The following DAB2IP variants were observed in gnomAD, a reference collection of about 807,000 sequenced individuals.
The protein encoded by DAB2IP is disabled homolog 2-interacting protein.
In DAB2IP, 28 loss-of-function variants were observed where a neutral mutation model predicts 107.2. The observed-to-expected ratio is 0.26, with a 90% CI of 0.19 to 0.36. The LOEUF (loss-of-function observed/expected upper bound fraction) is 0.36. DAB2IP is among the 10% of genes least tolerant of loss of function. The pLI is 1.00. For missense variants in DAB2IP, 1,400 were observed against 1,644.7 expected (o/e 0.85, Z 2.57); for synonymous variants, 755 against 706.4 (o/e 1.07, Z -1.09).
At position 121,609,191 on chromosome 9, in the gene DAB2IP, C is replaced by T. The variant is rs150574130; in HGVS notation, c.40+41963C>T. Reference sequence around the variant, plus strand: ...AACTCCCGACCTCAGGTGCTCCGTCCGCCTCGAACTCCCAAAGTGCTGTGA... The same window carrying T: ...AACTCCCGACCTCAGGTGCTCCGTCTGCCTCGAACTCCCAAAGTGCTGTGA... On this transcript the variant is annotated intron_variant, in intron 1 of 16. Coordinates refer to the DAB2IP transcript ENST00000259371. Among the ~76,000 whole-genome samples, 100 of 152,294 alleles carry T rather than the reference C, an allele frequency of 6.6e-4. No homozygotes were observed. In the Middle Eastern group the frequency reaches 0.01, roughly 16 times the overall value.
chr9:121,570,178 C>A (rs1829904830), intron 1 of DAB2IP, among the ~76,000 whole-genome samples: 1 of 140,120 alleles, frequency 7.1e-6, no homozygotes, highest in African/African-American at 2.7e-5. Flanking sequence ...GTGGTGCGAT[C>A]TCAGCTCAAT....
chr9:121,773,428 T>G, exon 12 of DAB2IP: 1 of 1,557,484 alleles, frequency 6.4e-7, no homozygotes, highest in Non-Finnish European at 8.7e-7. Context: ...AGTACCCGCC[T>G]GAGGCAGCAG....
chr9:121,773,540 G>C (rs1588005437), intron 12 of DAB2IP, 45 bp downstream of exon 12: 2 of 1,429,396 alleles, frequency 1.4e-6, no homozygotes, highest in African/African-American at 2.9e-5. Context: ...CTTGGGCCCA[G>C]CTGGGGCTGT....
intron 1 of DAB2IP, among the ~76,000 whole-genome samples, chr9:121,590,528 T>C (rs1830404291): frequency 6.6e-6 from 1 of 152,114 alleles, no homozygotes; most frequent in South Asian, 2.1e-4. Context: ...CTTGTGCAAG[T>C]TGCTTAAAAT....
At chr9:121,624,071 A>G (rs531824975) in intron 1 of DAB2IP, among the ~76,000 whole-genome samples, 32 of 152,230 alleles carry the variant, frequency 2.1e-4, no homozygotes, top group Admixed American at 1.6e-3. Context: ...CAGCCCCAAG[A>G]CTTGGAGGTA....
At chr9:121,686,837 C>T (rs1026083924) in intron 2 of DAB2IP, among the ~76,000 whole-genome samples, 2 of 152,184 alleles carry the variant, frequency 1.3e-5, no homozygotes, top group African/African-American at 4.8e-5. Context: ...CCTCCAGAGC[C>T]CCAGGTAACT....
At chr9:121,665,080 G>C (rs1015084000) in intron 1 of DAB2IP, among the ~76,000 whole-genome samples, 1 of 152,188 alleles carries the variant, frequency 6.6e-6, no homozygotes, top group African/African-American at 2.4e-5. Flanking sequence ...GAAAGGTAAA[G>C]AAAGTTTCAA....
At chr9:121,693,310 C>T (rs929820645) in intron 2 of DAB2IP, among the ~76,000 whole-genome samples, 3 of 152,158 alleles carry the variant, frequency 2.0e-5, no homozygotes, top group Non-Finnish European at 4.4e-5. Context: ...AAGCAGGACC[C>T]CCACCACCCC....
intron 3 of DAB2IP, among the ~76,000 whole-genome samples, chr9:121,727,697 C>T (rs1467458319): frequency 6.6e-6 from 1 of 152,214 alleles, no homozygotes; most frequent in Non-Finnish European, 1.5e-5. Flanking sequence ...TGGGGGCCCC[C>T]ACTGCAGGGG....
At chr9:121,573,235 C>T (rs1317584089) in intron 1 of DAB2IP, among the ~76,000 whole-genome samples, 1 of 152,010 alleles carries the variant, frequency 6.6e-6, no homozygotes, top group Non-Finnish European at 1.5e-5. Flanking sequence ...CGTCACCAAG[C>T]CTGGCTAATT....
chr9:121,621,984 CTTTTTTTT>C (rs1202929145), intron 1 of DAB2IP, among the ~76,000 whole-genome samples: 6 of 99,696 alleles, frequency 6.0e-5, no homozygotes, highest in African/African-American at 2.1e-4. Flanking sequence ...TTTTTTCTTT[CTTTTTTTT>C]TTTTTTTTTT....
intron 1 of DAB2IP, among the ~76,000 whole-genome samples, chr9:121,583,111 G>A (rs1393256701): frequency 6.6e-6 from 1 of 152,240 alleles, no homozygotes; most frequent in African/African-American, 2.4e-5. Context: ...AAGCTGGCCG[G>A]CCGCGGTGGC....
intron 1 of DAB2IP, among the ~76,000 whole-genome samples, chr9:121,568,167 C>T (rs1441467501): frequency 6.6e-6 from 1 of 152,210 alleles, no homozygotes; most frequent in African/African-American, 2.4e-5. Flanking sequence ...AAACCAAGTG[C>T]TTGTTTCTCC....
rs1829609654 is a variant in DAB2IP at position 121,699,182 on chromosome 9, C to G, written c.229-143C>G. On this transcript the variant is annotated intron_variant, in intron 2 of 15. Transcript: ENST00000408936. The surrounding 1 kb of genome is among the most constrained non-coding windows in gnomAD (Gnocchi z 6.2). ...GTCGGCGGGCGGGCGGCGCGGGCCG[C>G]GAGCTGCTGGGGCCGAGCCCGAGCC... 21 of 933,016 alleles carry G rather than the reference C, an allele frequency of 2.3e-5. No homozygotes were observed. Among genetic ancestry groups the G allele is most frequent in the Non-Finnish European group, 2.7e-5 (21 of 785,796 alleles). 57.8% of individuals were successfully genotyped at this position (933,016 alleles called of 1,614,324 possible). A position where few individuals can be genotyped will look rare whatever the true frequency, so the allele number is the denominator to read the frequency against.
At chr9:121,603,794 G>T (rs1335430094) in intron 1 of DAB2IP, among the ~76,000 whole-genome samples, 1 of 152,178 alleles carries the variant, frequency 6.6e-6, no homozygotes, top group Non-Finnish European at 1.5e-5. Context: ...TTCCCACCTT[G>T]ACATTTACAA....
intron 3 of DAB2IP, among the ~76,000 whole-genome samples, chr9:121,718,441 A>T (rs1356729591): frequency 6.6e-6 from 1 of 152,154 alleles, no homozygotes; most frequent in Non-Finnish European, 1.5e-5. Context: ...CTGCAGGGAC[A>T]ACAAAACCCG....
At chr9:121,647,415 G>A (rs944283146), upstream of DAB2IP, among the ~76,000 whole-genome samples, 46 of 152,006 alleles carry the variant, frequency 3.0e-4, no homozygotes, top group African/African-American at 9.4e-4. Context: ...CCCTGACACC[G>A]CAGAGGGACT....
intron 3 of DAB2IP, among the ~76,000 whole-genome samples, chr9:121,713,749 C>T (rs1830452956): frequency 6.6e-6 from 1 of 152,150 alleles, no homozygotes; most frequent in Non-Finnish European, 1.5e-5. Flanking sequence ...GATGTGACTT[C>T]AGGACTCAGG....
At chr9:121,619,786 G>C (rs1487887953) in intron 1 of DAB2IP, among the ~76,000 whole-genome samples, 1 of 152,190 alleles carries the variant, frequency 6.6e-6, no homozygotes, top group South Asian at 2.1e-4. Flanking sequence ...TTTGGGGTAA[G>C]CATTGCCGTT....
Sources: gnomAD v4.1 joint callset for allele counts (sites outside exome capture counted in the v4.1 genomes callset) on GRCh38, gnomAD v4.1.1 for gene constraint, Gnocchi (gnomAD v3.1) non-coding constraint, MANE v1.5 for transcripts, NCBI Gene and HGNC (gene_info 2026-07-23, HGNC 2026-07-21) for gene names.